WSCD1: variants seen among roughly 807,000 people sequenced by gnomAD.
WSCD1 encodes WSC domain sialate O sulfotransferase 1.
A neutral mutation model predicts 60.4 loss-of-function variants in WSCD1; 41 were observed. The observed-to-expected ratio is 0.68, with a 90% CI of 0.53 to 0.88. The LOEUF is 0.88. WSCD1 is among the 40% of genes least tolerant of loss of function. The pLI, the probability that WSCD1 is intolerant of heterozygous loss-of-function variation, is 0.00. For missense variants in WSCD1, 784 were observed against 796.2 expected (o/e 0.98, Z 0.18); for synonymous variants, 361 against 332.5 (o/e 1.09, Z -0.93).
chr17:6,095,266 G>C (rs1462925037), intron 5 of WSCD1, 43 bp downstream of exon 5: 2 of 1,588,700 alleles, frequency 1.3e-6, no homozygotes, highest in African/African-American at 2.7e-5. Context: ...CTTTAAGTGT[G>C]TGTGGTGGTC....
At position 6,070,397 on chromosome 17, in the gene WSCD1, TCGCCCGCCCGCTGCCCGCCCCGGCTCCG is replaced by T. The variant is rs1477332464; in HGVS notation, c.-532_-505del. 9 of 145,800 alleles carry T rather than the reference TCGCCCGCCCGCTGCCCGCCCCGGCTCCG, an allele frequency of 6.2e-5. No homozygotes were observed. Among genetic ancestry groups the T allele is most frequent in the Non-Finnish European group, 1.5e-5 (1 of 65,540 alleles). 9.0% of individuals were successfully genotyped at this position (145,800 alleles called of 1,614,324 possible). The stretch of plus-strand genomic sequence containing the variant: ...AGCATGTGCAGAGCCCGGCGCCCGC[TCGCCCGCCCGCTGCCCGCCCCGGCTCCG>T]CGCCCGCCCGCCCGCCCCGCCGTTC... On this transcript the variant is annotated 5_prime_UTR_variant, in exon 1 of 9. Coordinates refer to ENST00000317744, the MANE Select transcript of WSCD1 (RefSeq NM_015253.2).
chr17:6,109,610 T>C lies in WSCD1; in HGVS notation c.853T>C (p.Phe285Leu), dbSNP rs980716391. 1.9e-6 allele frequency: 3 copies of C among 1,613,408 alleles called. No homozygotes were observed. Among genetic ancestry groups the C allele is most frequent in the Non-Finnish European group, 1.7e-6 (2 of 1,179,568 alleles). Residue 285 changes from phenylalanine to leucine, a missense_variant, in exon 6 of 9, where the codon TTC (phenylalanine) becomes CTC (leucine). By Grantham distance (22) the Phe-to-Leu change is conservative. Coordinates refer to ENST00000317744, the MANE Select transcript of WSCD1 (RefSeq NM_015253.2). Reference protein sequence around the residue: ...TCSGFCSQKEFPLAILRGWEC... With the variant: ...TCSGFCSQKELPLAILRGWEC... The stretch of plus-strand genomic sequence containing the variant: ...TCTTCTTATCGTTCCCTGGCAGGAG[T>C]TCCCCTTGGCCATTCTCAGGGGCTG...
chr17:6,096,722 G>A (rs376126943), intron 5 of WSCD1, among the ~76,000 whole-genome samples: 5 of 152,196 alleles, frequency 3.3e-5, no homozygotes, highest in African/African-American at 1.2e-4. Context: ...GCAAGGATGC[G>A]CGCTCAGCTG....
rs1188491918 is a variant in WSCD1, at chr17:6,090,451, G to A, written c.673G>A (p.Val225Met). 6 of 1,613,436 alleles carry A rather than the reference G, an allele frequency of 3.7e-6. No individual in the cohort carries two copies. Among genetic ancestry groups the A allele is most frequent in the Non-Finnish European group, 5.1e-6 (6 of 1,179,720 alleles). ...CGAGAAGGGCTCTGTGTGCGGGGCT[G>A]TGGACCGGCTCTCCGTGTACCGTGT... Reference protein sequence around the residue: ...KGEKGSVCGAVDRLSVYRVDE... With the variant: ...KGEKGSVCGAMDRLSVYRVDE... The change falls in exon 4 of 9, where the codon GTG becomes ATG. Residue 225 changes from valine to methionine, a missense_variant. By Grantham distance (21) the Val-to-Met change is conservative (BLOSUM62 1). Coordinates refer to ENST00000317744, the MANE Select transcript of WSCD1 (RefSeq NM_015253.2).
chr17:6,123,509 A>C lies in WSCD1; in HGVS notation c.*2848A>C, dbSNP rs1169255358. 6.6e-6 allele frequency: 1 copy of C among 152,196 alleles called. No homozygotes were observed. Among genetic ancestry groups the C allele is most frequent in the Non-Finnish European group, 1.5e-5 (1 of 68,026 alleles). The allele number at this position is 152,196 out of a possible 1,614,324, so 9.4% of individuals were successfully genotyped here. Reference sequence around the variant, plus strand: ...GCTAAAATTAGATTTTGAGTGCATGAATCTGTGATAATGTTTGCATATCAG... The same window carrying C: ...GCTAAAATTAGATTTTGAGTGCATGCATCTGTGATAATGTTTGCATATCAG... On this transcript the variant is annotated 3_prime_UTR_variant, in exon 9 of 9. Coordinates refer to ENST00000317744, the MANE Select transcript of WSCD1 (RefSeq NM_015253.2).
At chr17:6,087,026 G>A (rs1008330149) in intron 2 of WSCD1, among the ~76,000 whole-genome samples, 9 of 152,332 alleles carry the variant, frequency 5.9e-5, no homozygotes, top group East Asian at 1.9e-4. Flanking sequence ...GACGTGCAGC[G>A]TGTTTATCAC....
chr17:6,071,841 A>G (rs537696901), intron 1 of WSCD1, among the ~76,000 whole-genome samples: 4 of 152,246 alleles, frequency 2.6e-5, no homozygotes, highest in East Asian at 1.9e-4. Context: ...GTCTCTCTCA[A>G]TCATGCCCCC....
chr17:6,096,085 C>A (rs762021162), intron 5 of WSCD1, among the ~76,000 whole-genome samples: 1 of 152,204 alleles, frequency 6.6e-6, no homozygotes, highest in Non-Finnish European at 1.5e-5. Context: ...ATTCGTTGAT[C>A]GCTCATTCCA....
chr17:6,095,118 C>T lies in WSCD1; in HGVS notation c.744C>T (p.Tyr248=), dbSNP rs1204745741. The part of the protein sequence containing the change: ...PGSRKRRTAT[Y]RGCFRLPENI... ...TTCCCCCAGGGCGGACCGCCACCTA[C>T]CGCGGATGCTTCCGACTGCCAGAGA... Residue 248 remains tyrosine (Y), a synonymous_variant, in exon 5 of 9, where the codon TAC becomes TAT. Transcript: ENST00000317744. 1.2e-6 allele frequency: 2 copies of T among 1,612,840 alleles called. No individual in the cohort carries two copies. The highest frequency in any genetic ancestry group is 1.7e-5 in the Admixed American group (1 of 59,864).
chr17:6,122,972 A>C lies in WSCD1; in HGVS notation c.*2311A>C, dbSNP rs11658503. 0.025 allele frequency: 3,826 copies of C among 152,384 alleles called. 88 individuals are homozygous for C. The highest frequency in any genetic ancestry group is 0.071 in the Middle Eastern group (21 of 294). The allele number at this position is 152,384 out of a possible 1,614,324, so 9.4% of individuals were successfully genotyped here. ...AGCAAGGAAGAGCAACGGCCCTGTC[A>C]GCTGGCAGTGGTCCTCACAGCCTTC... On this transcript the variant is annotated 3_prime_UTR_variant, in exon 9 of 9. Transcript: ENST00000317744.
chr17:6,087,296 A>T (rs1290289843), intron 2 of WSCD1, among the ~76,000 whole-genome samples: 4 of 152,020 alleles, frequency 2.6e-5, no homozygotes, highest in African/African-American at 9.7e-5. Flanking sequence ...CTGGCTTCTC[A>T]CTGCAGCATG....
Position 6,075,323 on chromosome 17 carries a change from C to T in WSCD1, c.-289+4671C>T, listed in dbSNP as rs111819477. ...GGGGAGGTTGAGTCATCTGACTGAA[C>T]CCCAGTGGCCACTGGCTGCACCTGG... On this transcript the variant is annotated intron_variant, in intron 1 of 8. Transcript: ENST00000317744. This position sits in a 1 kb window ranked among gnomAD's most constrained non-coding sequence, Gnocchi z 4.1. Among the ~76,000 whole-genome samples, 7 of 152,108 alleles carry T rather than the reference C, an allele frequency of 4.6e-5. No homozygotes were observed. The highest frequency in any genetic ancestry group is 1.4e-4 in the African/African-American group (6 of 41,394).
chr17:6,097,479 C>T (rs1431714052), intron 5 of WSCD1, among the ~76,000 whole-genome samples: 1 of 152,242 alleles, frequency 6.6e-6, no homozygotes, highest in Non-Finnish European at 1.5e-5. Flanking sequence ...GCAGGAGCTG[C>T]ACCCGCCCTT....
intron 1 of WSCD1, among the ~76,000 whole-genome samples, chr17:6,071,873 C>T (rs748302183): frequency 6.6e-6 from 1 of 152,176 alleles, no homozygotes; most frequent in Non-Finnish European, 1.5e-5. Flanking sequence ...CTTAGATTGG[C>T]CCTCAGGAGA....
chr17:6,097,272 G>A (rs7213280), intron 5 of WSCD1, among the ~76,000 whole-genome samples: 23,249 of 152,344 alleles, frequency 0.15, 1,918 homozygotes, highest in Middle Eastern at 0.26. Context: ...AGCCATTAGT[G>A]TTTCGGACTA....
chr17:6,109,505 C>G (rs1191520511), intron 5 of WSCD1, 102 bp from the exon 6 acceptor site: 1 of 1,484,640 alleles, frequency 6.7e-7, no homozygotes, highest in Non-Finnish European at 9.1e-7. Flanking sequence ...CATACAGATA[C>G]AGCTGGCAAT....
At chr17:6,109,511 G>A (rs1911281931) in intron 5 of WSCD1, 96 bp from the exon 6 acceptor site, 1 of 1,502,384 alleles carries the variant, frequency 6.7e-7, no homozygotes, top group Non-Finnish European at 9.0e-7. Flanking sequence ...GATACAGCTG[G>A]CAATACATCG....
chr17:6,081,152 G>T, intron 2 of WSCD1, 67 bp downstream of exon 2: 3 of 1,468,508 alleles, frequency 2.0e-6, no homozygotes, highest in Non-Finnish European at 1.8e-6. Flanking sequence ...CAGGTTTGGT[G>T]TCCCCTTTCT....
At chr17:6,098,237 G>T (rs958070669) in intron 5 of WSCD1, among the ~76,000 whole-genome samples, 1 of 152,136 alleles carries the variant, frequency 6.6e-6, no homozygotes, top group Non-Finnish European at 1.5e-5. Context: ...CTCCCAAAGT[G>T]CTGGGATTAC....
Sources: gnomAD v4.1 joint callset for allele counts (sites outside exome capture counted in the v4.1 genomes callset) on GRCh38, gnomAD v4.1.1 for gene constraint, Gnocchi (gnomAD v3.1) non-coding constraint, MANE v1.5 for transcripts, NCBI Gene and HGNC (gene_info 2026-07-23, HGNC 2026-07-21) for gene names.